COL28A1: variants seen among roughly 807,000 people sequenced by gnomAD.
COL28A1 encodes collagen alpha-1(XXVIII) chain.
Under a neutral mutation model 150.2 loss-of-function variants are expected in COL28A1, and 161 were observed. The observed-to-expected ratio is 1.07, with a 90% CI of 0.94 to 1.22. The LOEUF is 1.22. Among genes scored for constraint, COL28A1 ranks in the 50% most tolerant of loss-of-function variants. The pLI is 0.00. For missense variants in COL28A1, 1,617 were observed against 1,388.3 expected (o/e 1.16, Z -2.62); for synonymous variants, 552 against 469.7 (o/e 1.18, Z -2.26).
At chr7:7,415,238 G>A (rs1259524161) in intron 27 of COL28A1, among the ~76,000 whole-genome samples, 1 of 152,300 alleles carries the variant, frequency 6.6e-6, no homozygotes, top group East Asian at 1.9e-4. Context: ...ACACACACCT[G>A]CAAGCAGATT....
At chr7:7,426,009 G>C (rs1784627290) in intron 25 of COL28A1, among the ~76,000 whole-genome samples, 1 of 152,048 alleles carries the variant, frequency 6.6e-6, no homozygotes, top group Non-Finnish European at 1.5e-5. Flanking sequence ...CTCCCTTTGT[G>C]CCAGCTAAGT....
intron 14 of COL28A1, among the ~76,000 whole-genome samples, chr7:7,476,017 T>A (rs1055836400): frequency 1.3e-5 from 2 of 152,208 alleles, no homozygotes; most frequent in African/African-American, 4.8e-5. Flanking sequence ...AGTAGAGATT[T>A]AGGATTCTCA....
chr7:7,475,276 T>C (rs1291691797), intron 14 of COL28A1, among the ~76,000 whole-genome samples: 4 of 152,176 alleles, frequency 2.6e-5, no homozygotes, highest in Admixed American at 6.5e-5. Flanking sequence ...ATAAACCATA[T>C]AATAAATCAG....
chr7:7,407,755 T>C (rs1299824017), intron 27 of COL28A1, among the ~76,000 whole-genome samples: 5 of 151,966 alleles, frequency 3.3e-5, no homozygotes, highest in Non-Finnish European at 7.4e-5. Flanking sequence ...AAGAGAATAG[T>C]AAATACATGA....
chr7:7,379,874 G>C (rs907129194), intron 30 of COL28A1, among the ~76,000 whole-genome samples: 2 of 152,146 alleles, frequency 1.3e-5, no homozygotes, highest in African/African-American at 4.8e-5. Context: ...AAGAGAAAAA[G>C]GCAGACAGCC....
intron 11 of COL28A1, among the ~76,000 whole-genome samples, chr7:7,501,133 T>C (rs184858114): frequency 5.3e-4 from 81 of 152,252 alleles, no homozygotes; most frequent in African/African-American, 1.9e-3. Flanking sequence ...CCAAGTCTCA[T>C]AGGTAAAAGA....
chr7:7,356,426 C>G (rs1212473674), downstream of COL28A1: 2 of 152,178 alleles, frequency 1.3e-5, no homozygotes, highest in African/African-American at 4.8e-5. Context: ...GCTTCATTCT[C>G]TAGGTGATGT....
chr7:7,501,721 T>C (rs1780536255), intron 11 of COL28A1, among the ~76,000 whole-genome samples: 1 of 152,176 alleles, frequency 6.6e-6, no homozygotes, highest in African/African-American at 2.4e-5. Flanking sequence ...GATTGCAACC[T>C]GAGCCACCAT....
intron 33 of COL28A1, among the ~76,000 whole-genome samples, chr7:7,362,531 G>C (rs984520897): frequency 6.6e-6 from 1 of 152,052 alleles, no homozygotes; most frequent in Admixed American, 6.6e-5. Flanking sequence ...ACACACAAGA[G>C]GGAAAAAGTA....
At chr7:7,353,205 G>A (rs568687756), downstream of COL28A1, among the ~76,000 whole-genome samples, 1 of 152,180 alleles carries the variant, frequency 6.6e-6, no homozygotes, top group Non-Finnish European at 1.5e-5. Flanking sequence ...CTAAACTGAA[G>A]TCTGTTCAAT....
At chr7:7,375,367 T>A (rs1035934243) in intron 31 of COL28A1, 94 bp downstream of exon 31, 7 of 1,166,472 alleles carry the variant, frequency 6.0e-6, no homozygotes, top group Non-Finnish European at 8.0e-6. Context: ...GCTAGCTATA[T>A]AATATACATC....
At chr7:7,474,558 T>C (rs767921424) in intron 15 of COL28A1, 43 bp downstream of exon 15, 21 of 872,562 alleles carry the variant, frequency 2.4e-5, no homozygotes, top group Non-Finnish European at 1.2e-5. Context: ...ACAATGACAA[T>C]TTTATTGGCA....
In COL28A1 at chr7:7,443,034, CA is replaced by C. The variant is rs59365180; in HGVS notation, c.1650+550del. Among the ~76,000 whole-genome samples, 393 of 106,102 alleles carry C rather than the reference CA, an allele frequency of 3.7e-3. 6 individuals are homozygous for C. In the East Asian group the frequency reaches 0.04, roughly 11 times the overall value. The allele number at this position is 106,102 out of a possible 152,430, so 69.6% of individuals were successfully genotyped here. ...TGTGGGACAGAGTGAGACTCCGTCT[CA>C]AAAAAAAAAAAAAAATTGCAGGAAG... On this transcript the variant is annotated intron_variant, in intron 20 of 34. Transcript: ENST00000399429.
At chr7:7,504,804 A>G (rs553080955) in intron 11 of COL28A1, among the ~76,000 whole-genome samples, 1 of 152,338 alleles carries the variant, frequency 6.6e-6, no homozygotes, top group African/African-American at 2.4e-5. Context: ...TCATACTGCA[A>G]ACCCCAGCTC....
At chr7:7,387,257 G>A (rs113356476) in intron 27 of COL28A1, among the ~76,000 whole-genome samples, 7 of 152,218 alleles carry the variant, frequency 4.6e-5, no homozygotes, top group South Asian at 2.1e-4. Flanking sequence ...AGGAAACCAC[G>A]CCCAGACCAT....
chr7:7,354,886 A>T (rs547616401), downstream of COL28A1, among the ~76,000 whole-genome samples: 3 of 152,124 alleles, frequency 2.0e-5, no homozygotes, highest in Admixed American at 2.0e-4. Context: ...CTGACACCAA[A>T]GAGCTAATAG....
intron 9 of COL28A1, among the ~76,000 whole-genome samples, chr7:7,510,137 A>G: frequency 6.6e-6 from 1 of 152,212 alleles, no homozygotes; most frequent in East Asian, 1.9e-4. Context: ...AGTTCTTAAT[A>G]TAATGAAAAC....
At chr7:7,495,391 T>C (rs1237173526) in intron 11 of COL28A1, among the ~76,000 whole-genome samples, 5 of 152,154 alleles carry the variant, frequency 3.3e-5, no homozygotes, top group East Asian at 1.9e-4. Context: ...GTCAGTACCA[T>C]GAACAGTACC....
intron 11 of COL28A1, among the ~76,000 whole-genome samples, chr7:7,492,572 G>A (rs944091306): frequency 8.0e-5 from 11 of 136,986 alleles, no homozygotes; most frequent in Admixed American, 1.5e-4. Context: ...GCAACAGAGT[G>A]AGACTCCGTC....
Sources: gnomAD v4.1 joint callset for allele counts (sites outside exome capture counted in the v4.1 genomes callset) on GRCh38, gnomAD v4.1.1 for gene constraint, MANE v1.5 for transcripts, NCBI Gene and HGNC (gene_info 2026-07-23, HGNC 2026-07-21) for gene names.